PCDH11X: variants seen among roughly 807,000 people sequenced by gnomAD.
PCDH11X encodes protocadherin 11 X-linked.
In PCDH11X, 18 loss-of-function variants were observed where a neutral mutation model predicts 53.3. That is an observed-to-expected ratio of 0.34 (90% CI 0.23 to 0.50). The LOEUF (loss-of-function observed/expected upper bound fraction) is 0.50, where lower values mean the gene tolerates loss of function less well. Ranked by LOEUF, PCDH11X falls within the 20% of genes least tolerant of loss-of-function variation. The pLI is 0.98. For missense variants in PCDH11X, 570 were observed against 1,032.4 expected, an observed-to-expected ratio of 0.55 and a Z score of 6.14; for synonymous variants, 279 against 393.3, an observed-to-expected ratio of 0.71 and a Z score of 3.44.
At chrX:91,953,733 C>T (rs1347326858) in intron 6 of PCDH11X, among the ~76,000 whole-genome samples, 1 of 109,451 alleles carries the variant, frequency 9.1e-6, no homozygotes, top group Non-Finnish European at 1.9e-5. Flanking sequence ...TCTATTTACA[C>T]TGGGAATCAG....
intron 6 of PCDH11X, among the ~76,000 whole-genome samples, chrX:92,016,489 G>A (rs914755198): frequency 1.8e-5 from 2 of 110,540 alleles, no homozygotes; most frequent in African/African-American, 3.3e-5. Context: ...TAGATCTTCC[G>A]GATAACTTGC....
chrX:91,872,578 T>G (rs908763206), intron 5 of PCDH11X, among the ~76,000 whole-genome samples: 10 of 109,841 alleles, frequency 9.1e-5, no homozygotes, highest in Middle Eastern at 4.3e-3. Context: ...ATTTAGTATA[T>G]GAAGGCGTAC....
chrX:92,603,377 G>A (rs1232669137), intron 10 of PCDH11X, among the ~76,000 whole-genome samples: 1 of 107,194 alleles, frequency 9.3e-6, no homozygotes, highest in African/African-American at 3.4e-5. Flanking sequence ...AGGAAAGTGG[G>A]TATCAGAAAG....
chrX:91,927,742 T>C (rs1361606603), intron 6 of PCDH11X, among the ~76,000 whole-genome samples: 1 of 111,220 alleles, frequency 9.0e-6, no homozygotes, highest in Non-Finnish European at 1.9e-5. Context: ...AGTTCCCCCA[T>C]TGCAGAAGGC....
intron 2 of PCDH11X, 93 bp from the exon 3 acceptor site, chrX:91,810,380 T>TA (rs1452046018): frequency 8.9e-6 from 1 of 112,117 alleles, no homozygotes; most frequent in African/African-American, 3.2e-5. Context: ...GATCCTGCCA[T>TA]AAAATGATGG....
At chrX:92,218,136 A>G (rs959342799) in intron 7 of PCDH11X, among the ~76,000 whole-genome samples, 14 of 111,527 alleles carry the variant, frequency 1.3e-4, no homozygotes, top group Non-Finnish European at 3.8e-5. Flanking sequence ...AGTTAAAAGA[A>G]CTGGAAAAGC....
chrX:92,196,845 TGA>T (rs748869848), intron 6 of PCDH11X, among the ~76,000 whole-genome samples: 243 of 109,819 alleles, frequency 2.2e-3, no homozygotes, highest in African/African-American at 7.8e-3. Context: ...GGAGAGAGAA[TGA>T]GAGAGGGGTG....
intron 1 of PCDH11X, among the ~76,000 whole-genome samples, chrX:91,792,018 C>T (rs1266171421): frequency 9.1e-6 from 1 of 109,332 alleles, no homozygotes; most frequent in Non-Finnish European, 1.9e-5. Context: ...CCCGCCACCG[C>T]GCCTGGCTAA....
Position 92,299,030 on chromosome X carries a change from C to A in PCDH11X, c.3144+35887C>A, listed in dbSNP as rs758659163. Among the ~76,000 whole-genome samples the A allele has an allele frequency of 4.5e-5, 5 of 111,497 alleles. No homozygotes were observed. The East Asian group carries it at 1.4e-3, about 32-fold the overall frequency. On this transcript the variant is annotated intron_variant, in intron 8 of 10. Transcript: ENST00000682573. ...ATTTACTTAACTTAGATGGGTCTAG[C>A]TGCTGGGGTGATTACCCTTATCTCG... is the stretch of plus-strand genomic sequence containing the variant.
chrX:92,520,205 T>C (rs1465023614), intron 10 of PCDH11X, among the ~76,000 whole-genome samples: 1 of 105,087 alleles, frequency 9.5e-6, no homozygotes, highest in Non-Finnish European at 2.0e-5. Context: ...AGTGAAATAC[T>C]GATAAATACA....
intron 10 of PCDH11X, among the ~76,000 whole-genome samples, chrX:92,531,118 T>TGTGC (rs2074546802): frequency 9.0e-6 from 1 of 111,271 alleles, no homozygotes; most frequent in African/African-American, 3.3e-5. Flanking sequence ...AGTGCATGTG[T>TGTGC]GTGCACACAC....
At chrX:92,228,128 ATTTTTGTTT>A (rs2067003703) in intron 7 of PCDH11X, among the ~76,000 whole-genome samples, 1 of 111,592 alleles carries the variant, frequency 9.0e-6, no homozygotes, top group Non-Finnish European at 1.9e-5. Context: ...GTTGATCTGC[ATTTTTGTTT>A]TTGGATGTCT....
At position 92,248,465 on chromosome X, in the gene PCDH11X, C is replaced by T. The variant is rs775734282; in HGVS notation, c.3115-14649C>T. Among the ~76,000 whole-genome samples the T allele has an allele frequency of 1.4e-4, 15 of 110,594 alleles. No individual in the cohort carries two copies. The South Asian group carries it at 5.7e-3, about 42-fold the overall frequency. ...TTCTTTAATATGGACAAATAATAAG[C>T]ATACATACTTATGGGGTACATGTGA... On this transcript the variant is annotated intron_variant, in intron 7 of 10. Transcript: ENST00000682573.
At chrX:91,961,730 T>C (rs1016786803) in intron 6 of PCDH11X, among the ~76,000 whole-genome samples, 9 of 104,857 alleles carry the variant, frequency 8.6e-5, no homozygotes, top group African/African-American at 2.1e-4. Flanking sequence ...CTTCTCATTC[T>C]GGTAATATAG....
intron 6 of PCDH11X, among the ~76,000 whole-genome samples, chrX:92,187,461 T>C (rs923442844): frequency 2.7e-5 from 3 of 111,772 alleles, no homozygotes; most frequent in Non-Finnish European, 5.6e-5. Context: ...ACAAAATTAA[T>C]GGTTAGCATG....
At chrX:91,946,837 G>A (rs1353717068) in intron 6 of PCDH11X, among the ~76,000 whole-genome samples, 9 of 100,295 alleles carry the variant, frequency 9.0e-5, no homozygotes, top group South Asian at 4.7e-4. Flanking sequence ...ACGCATGCTT[G>A]CAGGTGTTCA....
intron 7 of PCDH11X, among the ~76,000 whole-genome samples, chrX:92,248,079 T>C (rs2148393954): frequency 1.8e-5 from 2 of 112,043 alleles, no homozygotes; most frequent in East Asian, 5.6e-4. Context: ...AAGTGGAAGT[T>C]CAGCATGGAA....
intron 6 of PCDH11X, among the ~76,000 whole-genome samples, chrX:92,125,424 T>A (rs1461967593): frequency 8.9e-6 from 1 of 111,837 alleles, no homozygotes; most frequent in Non-Finnish European, 1.9e-5. Context: ...GTAATAAGAC[T>A]GGTTTTGATG....
At chrX:92,149,510 T>TG (rs2148236790) in intron 6 of PCDH11X, among the ~76,000 whole-genome samples, 1 of 108,164 alleles carries the variant, frequency 9.2e-6, no homozygotes, top group Admixed American at 1.0e-4. Flanking sequence ...TATGTATGTA[T>TG]ATATATGGCA....
Sources: gnomAD v4.1 joint callset for allele counts (sites outside exome capture counted in the v4.1 genomes callset) on GRCh38, gnomAD v4.1.1 for gene constraint, MANE v1.5 for transcripts, NCBI Gene and HGNC (gene_info 2026-07-23, HGNC 2026-07-21) for gene names.